Variants in GUCY2C observed in about 807,000 individuals in gnomAD.
GUCY2C encodes guanylyl cyclase C.
A neutral mutation model predicts 131.1 loss-of-function variants in GUCY2C; 118 were observed. That is an observed-to-expected ratio of 0.90 (90% CI 0.78 to 1.05). GUCY2C has a LOEUF of 1.05. GUCY2C is among the 50% of genes least tolerant of loss of function. The pLI, the probability that GUCY2C is intolerant of heterozygous loss-of-function variation, is 0.00. For synonymous variants in GUCY2C, 452 were observed against 457.8 expected, an observed-to-expected ratio of 0.99 and a Z score of 0.16; for missense variants, 1,161 against 1,304.4, an observed-to-expected ratio of 0.89 and a Z score of 1.69.
chr12:14,683,375 C>A, intron 3 of GUCY2C, 118 bp from the exon 4 acceptor site: 1 of 664,414 alleles, frequency 1.5e-6, no homozygotes, highest in Non-Finnish European at 2.6e-6. Flanking sequence ...GAAATCGGAT[C>A]ATTAAAGCAG....
intron 9 of GUCY2C, among the ~76,000 whole-genome samples, chr12:14,671,046 G>T (rs1333082015): frequency 6.6e-6 from 1 of 151,662 alleles, no homozygotes; most frequent in Admixed American, 6.6e-5. Flanking sequence ...CAGCCCCCGT[G>T]ATTCAATTAC....
At chr12:14,675,920 GA>G (rs1221771434) in intron 7 of GUCY2C, among the ~76,000 whole-genome samples, 1 of 152,172 alleles carries the variant, frequency 6.6e-6, no homozygotes, top group African/African-American at 2.4e-5. Context: ...GAGGTAAAAA[GA>G]ATCCAGTTAA....
At chr12:14,653,472 G>A (rs1003794740) in intron 12 of GUCY2C, among the ~76,000 whole-genome samples, 6 of 152,242 alleles carry the variant, frequency 3.9e-5, no homozygotes, top group African/African-American at 7.2e-5. Flanking sequence ...GGTTCAGCCC[G>A]AAGTTGCTAA....
chr12:14,684,610 TTCC>T (rs1358845346), intron 3 of GUCY2C, among the ~76,000 whole-genome samples: 30,940 of 91,138 alleles, frequency 0.34, 7,216 homozygotes, highest in East Asian at 0.41. Flanking sequence ...CCTTCCTTCC[TTCC>T]TTCCTTCCTT....
At chr12:14,643,171 A>G (rs1259881680) in intron 17 of GUCY2C, among the ~76,000 whole-genome samples, 1 of 152,192 alleles carries the variant, frequency 6.6e-6, no homozygotes, top group Admixed American at 6.5e-5. Flanking sequence ...TGAATGGGAA[A>G]TGGGTCTTCT....
chr12:14,637,266 C>A (rs1284632587), intron 19 of GUCY2C, among the ~76,000 whole-genome samples: 2 of 145,622 alleles, frequency 1.4e-5, no homozygotes, highest in Non-Finnish European at 3.0e-5. Context: ...AGGAAAACTA[C>A]AAACACTGAT....
intron 15 of GUCY2C, among the ~76,000 whole-genome samples, chr12:14,647,391 A>C (rs966949285): frequency 2.6e-5 from 4 of 152,092 alleles, no homozygotes; most frequent in African/African-American, 9.7e-5. Flanking sequence ...CTTTGATTGC[A>C]AGTTTGTGGT....
Position 14,686,324 on chromosome 12 carries a change from G to T in GUCY2C, c.331-99C>A. 3.6e-6 allele frequency: 3 copies of T among 842,504 alleles called. No homozygotes were observed. In the South Asian group the frequency reaches 4.5e-5, roughly 13 times the overall value. The allele number at this position is 842,504 out of a possible 1,614,324, so 52.2% of individuals were successfully genotyped here. A position where few individuals can be genotyped will look rare whatever the true frequency, so the allele number is the denominator to read the frequency against. On this transcript the variant is annotated intron_variant, in intron 2 of 26. Transcript: ENST00000261170. Reference sequence around the variant, plus strand: ...GGGAAGGCTCCCAGAGGTTTAGAAAGTTGGGCCTCCCAAAATGCTCAAACT... The same window carrying T: ...GGGAAGGCTCCCAGAGGTTTAGAAATTTGGGCCTCCCAAAATGCTCAAACT...
intron 3 of GUCY2C, 89 bp downstream of exon 3, chr12:14,686,072 A>G (rs1162042115): frequency 1.3e-6 from 1 of 795,142 alleles, no homozygotes; most frequent in Non-Finnish European, 2.2e-6. Flanking sequence ...AACACCTCTG[A>G]TTGTGTTGGC....
At chr12:14,629,740 T>A (rs1208892897) in intron 19 of GUCY2C, among the ~76,000 whole-genome samples, 1 of 152,206 alleles carries the variant, frequency 6.6e-6, no homozygotes. Context: ...TTCTAACTTA[T>A]AGCAAACAAT....
chr12:14,665,218 G>GAAAAAA (rs550017739), intron 10 of GUCY2C, among the ~76,000 whole-genome samples: 1 of 85,436 alleles, frequency 1.2e-5, no homozygotes. Context: ...TCCGTCTCAG[G>GAAAAAA]AAAAAAAAAA....
At chr12:14,684,607 TCCTTCCTTCCTTCCTTCCTTCC>T (rs1948430463) in intron 3 of GUCY2C, among the ~76,000 whole-genome samples, 1 of 7,018 alleles carries the variant, frequency 1.4e-4, no homozygotes, top group African/African-American at 7.8e-4. Context: ...CTTCCTTCCT[TCCTTCCTTCCTTCCTTCCTTCC>T]TTTCCTTTCC....
chr12:14,654,524 C>T (rs970587088), intron 12 of GUCY2C, among the ~76,000 whole-genome samples: 1 of 152,126 alleles, frequency 6.6e-6, no homozygotes, highest in Non-Finnish European at 1.5e-5. Context: ...GTCCCAAAGA[C>T]CTATTTCCTT....
chr12:14,625,703 T>G, intron 21 of GUCY2C, 54 bp downstream of exon 21: 1 of 1,559,200 alleles, frequency 6.4e-7, no homozygotes, highest in Non-Finnish European at 8.8e-7. Flanking sequence ...ATAGATACAA[T>G]GAAAAGCAAT....
intron 1 of GUCY2C, among the ~76,000 whole-genome samples, chr12:14,692,998 T>A (rs1948601267): frequency 6.6e-6 from 1 of 152,218 alleles, no homozygotes; most frequent in South Asian, 2.1e-4. Flanking sequence ...ATGTCTTCCC[T>A]TTTATCACTC....
rs376297998 is a variant in GUCY2C, at chr12:14,687,781, G to A, written c.330+170C>T. Among the ~76,000 whole-genome samples, 35 of 152,282 alleles carry A rather than the reference G, an allele frequency of 2.3e-4. 1 individual carries two copies. The highest frequency in any genetic ancestry group is 8.4e-4 in the African/African-American group (35 of 41,558). On this transcript the variant is annotated intron_variant, in intron 2 of 26. Coordinates refer to ENST00000261170, the MANE Select transcript of GUCY2C (RefSeq NM_004963.4). ...TTCATGGAGGGCCCCTGTCATTTAGGTAATCTGTAGGGGTAAAGCCAGAGT... is the reference window on the plus strand; with the variant it reads ...TTCATGGAGGGCCCCTGTCATTTAGATAATCTGTAGGGGTAAAGCCAGAGT...
At chr12:14,678,986 A>G (rs1021166426) in intron 6 of GUCY2C, among the ~76,000 whole-genome samples, 1 of 152,186 alleles carries the variant, frequency 6.6e-6, no homozygotes, top group African/African-American at 2.4e-5. Flanking sequence ...ATCACCACCT[A>G]GTGACTACGC....
chr12:14,641,253 G>T (rs1947397529), intron 17 of GUCY2C, 34 bp from the exon 18 acceptor site: 2 of 1,608,894 alleles, frequency 1.2e-6, no homozygotes, highest in Non-Finnish European at 1.7e-6. Context: ...ACAAAGTTGA[G>T]GGGGGTGAGT....
At chr12:14,676,270 G>A (rs1948234525) in intron 7 of GUCY2C, among the ~76,000 whole-genome samples, 2 of 152,216 alleles carry the variant, frequency 1.3e-5, no homozygotes, top group Non-Finnish European at 2.9e-5. Flanking sequence ...ATGATTTAGT[G>A]TCCAAATGGA....
Sources: gnomAD v4.1 joint callset for allele counts (sites outside exome capture counted in the v4.1 genomes callset) on GRCh38, gnomAD v4.1.1 for gene constraint, MANE v1.5 for transcripts, NCBI Gene and HGNC (gene_info 2026-07-23, HGNC 2026-07-21) for gene names.